NTM: variants seen among roughly 807,000 people sequenced by gnomAD.
The protein encoded by NTM is neurotrimin.
In NTM, 13 loss-of-function variants were observed where a neutral mutation model predicts 42.1. That is an observed-to-expected ratio of 0.31 (90% CI 0.20 to 0.49). NTM has a LOEUF of 0.49. NTM is among the 20% of genes least tolerant of loss of function. The probability of loss-of-function intolerance (pLI) is 0.99; values close to 1 mark genes in which losing one functional copy is unlikely to be tolerated. For missense variants in NTM, 373 were observed against 452.8 expected (o/e 0.82, Z 1.60); for synonymous variants, 187 against 179.2 (o/e 1.04, Z -0.35).
At chr11:132,030,639 A>G (rs914727509) in intron 2 of NTM, among the ~76,000 whole-genome samples, 1 of 152,206 alleles carries the variant, frequency 6.6e-6, no homozygotes, top group Non-Finnish European at 1.5e-5. Context: ...CCATTTGGAT[A>G]TTGTGGAGTT....
chr11:131,769,478 A>G (rs762169777), intron 1 of NTM: 8 of 267,424 alleles, frequency 3.0e-5, no homozygotes, highest in Non-Finnish European at 4.6e-5. Flanking sequence ...GAAGGAAAAT[A>G]AGTGTTCATG....
intron 1 of NTM, among the ~76,000 whole-genome samples, chr11:131,424,600 C>CTTTCTTTTTT (rs1947878678): frequency 1.8e-5 from 1 of 56,052 alleles, no homozygotes; most frequent in Admixed American, 2.5e-4. Context: ...CTTTTCTTTT[C>CTTTCTTTTTT]TTTTTTTTTT....
At chr11:131,429,032 G>A (rs1948438949) in intron 1 of NTM, among the ~76,000 whole-genome samples, 1 of 152,138 alleles carries the variant, frequency 6.6e-6, no homozygotes, top group Admixed American at 6.5e-5. Context: ...TCCAGCCTGG[G>A]TGACAGAGTG....
At chr11:131,977,527 A>G (rs1019823912) in intron 2 of NTM, among the ~76,000 whole-genome samples, 1 of 152,228 alleles carries the variant, frequency 6.6e-6, no homozygotes, top group Non-Finnish European at 1.5e-5. Context: ...ACATAAAGGA[A>G]AAAAAGGATT....
chr11:131,721,907 G>C (rs776869796), intron 1 of NTM, among the ~76,000 whole-genome samples: 5 of 145,850 alleles, frequency 3.4e-5, no homozygotes, highest in Admixed American at 7.1e-5. Context: ...ACTGAGGCAG[G>C]AGAATTACTT....
chr11:132,171,557 G>T (rs1283016799), intron 3 of NTM, among the ~76,000 whole-genome samples: 2 of 152,092 alleles, frequency 1.3e-5, no homozygotes, highest in South Asian at 2.1e-4. Flanking sequence ...ACCTCGCAAG[G>T]CTCCACCCTC....
At chr11:131,799,523 G>A (rs1336699673) in intron 1 of NTM, among the ~76,000 whole-genome samples, 2 of 152,178 alleles carry the variant, frequency 1.3e-5, no homozygotes, top group East Asian at 3.9e-4. Flanking sequence ...AAAGAGGGGA[G>A]GCAATTCAAG....
chr11:131,417,123 T>C (rs1422248070), intron 1 of NTM, among the ~76,000 whole-genome samples: 1 of 152,216 alleles, frequency 6.6e-6, no homozygotes, highest in Non-Finnish European at 1.5e-5. Flanking sequence ...TCCATTAATC[T>C]GAATCACAGC....
chr11:131,891,210 T>C lies in NTM; in HGVS notation c.83-20354T>C, dbSNP rs540094927. Among the ~76,000 whole-genome samples, 93 of 152,306 alleles carry C rather than the reference T, an allele frequency of 6.1e-4. 4 individuals are homozygous for C. The South Asian group carries it at 0.018, about 30-fold the overall frequency. ...CTATATCAGAAGGCAGTGTGTTCAA[T>C]GTGCTATAGGAGACACAAAACATTA... is the stretch of plus-strand genomic sequence containing the variant. On this transcript the variant is annotated intron_variant, in intron 1 of 8. Transcript: ENST00000683400.
At chr11:131,524,848 G>A (rs1336769895) in intron 1 of NTM, among the ~76,000 whole-genome samples, 1 of 152,196 alleles carries the variant, frequency 6.6e-6, no homozygotes, top group African/African-American at 2.4e-5. Flanking sequence ...GAGTGAGGAT[G>A]ACCTAACTCT....
At chr11:132,094,670 G>A (rs1168174515) in intron 2 of NTM, among the ~76,000 whole-genome samples, 1 of 152,170 alleles carries the variant, frequency 6.6e-6, no homozygotes, top group Non-Finnish European at 1.5e-5. Context: ...AAGCAGAGGA[G>A]CAGCAGGCTT....
intron 4 of NTM, among the ~76,000 whole-genome samples, chr11:132,285,568 C>G (rs777227786): frequency 1.3e-5 from 2 of 152,176 alleles, no homozygotes; most frequent in African/African-American, 4.8e-5. Flanking sequence ...ATCGGTGCAC[C>G]TGGACTTGCT....
At chr11:131,515,531 C>T (rs575859262) in intron 1 of NTM, among the ~76,000 whole-genome samples, 47 of 152,114 alleles carry the variant, frequency 3.1e-4, no homozygotes, top group African/African-American at 8.2e-4. Flanking sequence ...GATGGACTCC[C>T]CTGTCCAGAA....
intron 1 of NTM, among the ~76,000 whole-genome samples, chr11:131,807,943 T>C (rs1214906401): frequency 6.6e-6 from 1 of 152,200 alleles, no homozygotes; most frequent in East Asian, 1.9e-4. Flanking sequence ...TTTCAATGTG[T>C]TGGCAGAAGG....
At chr11:131,507,212 C>T (rs374440028) in intron 1 of NTM, among the ~76,000 whole-genome samples, 1 of 152,140 alleles carries the variant, frequency 6.6e-6, no homozygotes, top group African/African-American at 2.4e-5. Context: ...AGTTTTTAAT[C>T]CATCTTGAAT....
chr11:131,385,717 C>G (rs536124664), intron 1 of NTM, among the ~76,000 whole-genome samples: 1 of 152,050 alleles, frequency 6.6e-6, no homozygotes, highest in African/African-American at 2.4e-5. Context: ...ATTATCCAGG[C>G]GCAGAGGTGC....
At chr11:132,045,743 C>T (rs1217483679) in intron 2 of NTM, among the ~76,000 whole-genome samples, 2 of 152,126 alleles carry the variant, frequency 1.3e-5, no homozygotes, top group Non-Finnish European at 2.9e-5. Context: ...TTTCTGGACT[C>T]TTCCTTTTTC....
At chr11:132,145,518 T>C (rs1415969349) in intron 2 of NTM, among the ~76,000 whole-genome samples, 1 of 152,032 alleles carries the variant, frequency 6.6e-6, no homozygotes, top group Non-Finnish European at 1.5e-5. Flanking sequence ...AATTTAAAAG[T>C]GTAGAAAAGA....
chr11:131,424,556 G>A (rs1191579484), intron 1 of NTM, among the ~76,000 whole-genome samples: 10 of 139,426 alleles, frequency 7.2e-5, no homozygotes, highest in East Asian at 2.3e-4. Flanking sequence ...ATAAGTTACC[G>A]TCTAGTTTGC....
Sources: allele counts gnomAD v4.1 joint callset (sites outside exome capture counted in the v4.1 genomes callset), GRCh38; gene constraint gnomAD v4.1.1; transcripts MANE v1.5; gene names NCBI Gene and HGNC (gene_info 2026-07-23, HGNC 2026-07-21).